IGF1R: variants seen among roughly 807,000 people sequenced by gnomAD.
The protein encoded by IGF1R is insulin like growth factor 1 receptor.
In IGF1R, 44 loss-of-function variants were observed where a neutral mutation model predicts 144.6. The ratio of observed to expected loss-of-function variants is 0.30; its 90% CI spans 0.24 to 0.39. The LOEUF (loss-of-function observed/expected upper bound fraction) is 0.39. Among genes scored for constraint, IGF1R ranks in the 10% least tolerant of loss-of-function variants. The pLI, the probability that IGF1R is intolerant of heterozygous loss-of-function variation, is 1.00. For synonymous variants in IGF1R, 795 were observed against 722.8 expected, an observed-to-expected ratio of 1.10 and a Z score of -1.60; for missense variants, 1,355 against 1,833.7, an observed-to-expected ratio of 0.74 and a Z score of 4.77.
rs186516591 is a variant in IGF1R, at chr15:98,827,614, C to T, written c.641-63711C>T. On this transcript the variant is annotated intron_variant, in intron 2 of 20. Coordinates refer to ENST00000650285, the MANE Select transcript of IGF1R (RefSeq NM_000875.5). ...AGCTGATTAAATGTGGTCATTTAAA[C>T]TGCTAGTTAACAATCGGAAGTGCAG... Among the ~76,000 whole-genome samples, 331 of 152,304 alleles carry T rather than the reference C, an allele frequency of 2.2e-3. 1 individual carries two copies. The highest frequency in any genetic ancestry group is 7.1e-3 in the African/African-American group (296 of 41,578).
chr15:98,913,278 T>C lies in IGF1R; in HGVS notation c.1824T>C (p.Ala608=). 2.5e-6 allele frequency: 4 copies of C among 1,612,538 alleles called. No homozygotes were observed. In the South Asian group the frequency reaches 3.3e-5, roughly 13 times the overall value. The change falls in exon 8 of 21, where the codon GCT becomes GCC. Residue 608 remains alanine, a synonymous_variant. Transcript: ENST00000650285. ...KSEILYIRTN[A]SVPSIPLDVL... is the part of the protein sequence containing the mutation. ...AGATCTTGTACATTCGCACCAATGCTTCAGGTATCCATGCCTAGACAAGCC... is the reference window on the plus strand; with the variant it reads ...AGATCTTGTACATTCGCACCAATGCCTCAGGTATCCATGCCTAGACAAGCC...
chr15:98,910,110 C>T (rs569685006), intron 6 of IGF1R, among the ~76,000 whole-genome samples: 14 of 152,286 alleles, frequency 9.2e-5, no homozygotes, highest in Non-Finnish European at 1.8e-4. Flanking sequence ...ATTTACCTGG[C>T]GACACTTGTT....
chr15:98,808,097 C>T (rs141069475), intron 2 of IGF1R, among the ~76,000 whole-genome samples: 4 of 152,248 alleles, frequency 2.6e-5, no homozygotes, highest in East Asian at 3.9e-4. Flanking sequence ...GGGAAAGGTA[C>T]GTGGGATAGC....
intron 20 of IGF1R, chr15:98,954,438 A>G (rs2016899430): frequency 6.6e-6 from 1 of 152,082 alleles, no homozygotes; most frequent in Non-Finnish European, 1.5e-5. Flanking sequence ...GATGAGTTTT[A>G]TCAGCTCACA....
chr15:98,771,926 T>A (rs1263156431), intron 2 of IGF1R, among the ~76,000 whole-genome samples: 1 of 151,944 alleles, frequency 6.6e-6, no homozygotes, highest in Non-Finnish European at 1.5e-5. Context: ...TTTAAATAGG[T>A]AGGGAGGCAT....
chr15:98,794,650 T>G (rs2056198933), intron 2 of IGF1R, among the ~76,000 whole-genome samples: 1 of 152,258 alleles, frequency 6.6e-6, no homozygotes, highest in Non-Finnish European at 1.5e-5. Context: ...AGCATTTTTA[T>G]GTACAACTAC....
At position 98,661,956 on chromosome 15, in the gene IGF1R, C is replaced by CTTTTT. The variant is rs869208651; in HGVS notation, c.94+12303_94+12307dup. ...GAATTGCTGCCAGTTGAATAGGGCC[C>CTTTTT]TTTTTTTTTTTTTTTTTTTTTTTTT... On this transcript the variant is annotated intron_variant, in intron 1 of 20. Transcript: ENST00000650285. 6.1e-4 allele frequency among the ~76,000 whole-genome samples: 64 copies of CTTTTT among 105,716 alleles called. 5 individuals are homozygous for CTTTTT. Among genetic ancestry groups the CTTTTT allele is most frequent in the African/African-American group, 2.6e-3 (58 of 22,338 alleles). 69.4% of individuals were successfully genotyped at this position (105,716 alleles called of 152,430 possible). A position where few individuals can be genotyped will look rare whatever the true frequency, so the allele number is the denominator to read the frequency against.
At chr15:98,858,900 C>A (rs930798351) in intron 2 of IGF1R, among the ~76,000 whole-genome samples, 1 of 152,160 alleles carries the variant, frequency 6.6e-6, no homozygotes, top group African/African-American at 2.4e-5. Flanking sequence ...CACATAGTGG[C>A]TCACGCTTTT....
intron 2 of IGF1R, among the ~76,000 whole-genome samples, chr15:98,777,988 G>A (rs949881254): frequency 1.3e-5 from 2 of 152,286 alleles, no homozygotes; most frequent in South Asian, 2.1e-4. Flanking sequence ...ATGTGTGTAC[G>A]GGGGTTAGAT....
intron 4 of IGF1R, among the ~76,000 whole-genome samples, chr15:98,898,349 T>C (rs2014307006): frequency 6.6e-6 from 1 of 152,276 alleles, no homozygotes; most frequent in East Asian, 1.9e-4. Flanking sequence ...TACATATTGA[T>C]GCATGATGAT....
At chr15:98,786,930 T>TCCCTCACCC (rs1401824040) in intron 2 of IGF1R, among the ~76,000 whole-genome samples, 1 of 152,192 alleles carries the variant, frequency 6.6e-6, no homozygotes, top group Non-Finnish European at 1.5e-5. Flanking sequence ...ATTCCTTACC[T>TCCCTCACCC]CTCTCACCCA....
intron 2 of IGF1R, among the ~76,000 whole-genome samples, chr15:98,879,521 G>A (rs1367149365): frequency 6.6e-6 from 1 of 152,202 alleles, no homozygotes; most frequent in Non-Finnish European, 1.5e-5. Context: ...GCACACGGGG[G>A]TGAACATTCC....
intron 1 of IGF1R, among the ~76,000 whole-genome samples, chr15:98,650,050 G>A (rs1199015889): frequency 6.6e-6 from 1 of 151,550 alleles, no homozygotes; most frequent in East Asian, 1.9e-4. Flanking sequence ...ATGCGCAAGA[G>A]CCTCTCCGCA....
intron 2 of IGF1R, among the ~76,000 whole-genome samples, chr15:98,868,766 C>T (rs1034549483): frequency 2.6e-5 from 4 of 152,142 alleles, no homozygotes; most frequent in East Asian, 3.9e-4. Flanking sequence ...AATCTGACAG[C>T]GTATGCCAAG....
intron 2 of IGF1R, among the ~76,000 whole-genome samples, chr15:98,730,466 G>A (rs1436494556): frequency 6.6e-6 from 1 of 152,154 alleles, no homozygotes; most frequent in Non-Finnish European, 1.5e-5. Context: ...GCTTAAAAAG[G>A]ATGTTATTAA....
intron 2 of IGF1R, among the ~76,000 whole-genome samples, chr15:98,811,139 A>G (rs184990853): frequency 1.3e-5 from 2 of 152,016 alleles, no homozygotes; most frequent in East Asian, 3.9e-4. Flanking sequence ...CATCTCTACT[A>G]AAAATACAAA....
rs1215292877 is a variant in IGF1R at position 98,957,210 on chromosome 15, A to G, written c.3872A>G (p.Glu1291Gly). The G allele has an allele frequency of 3.7e-6, 6 of 1,614,220 alleles. No homozygotes were observed. Among genetic ancestry groups the G allele is most frequent in the Non-Finnish European group, 5.1e-6 (6 of 1,180,030 alleles). ...YSEENKLPEP[E>G]ELDLEPENME... ...GAGGAGAACAAGCTGCCCGAGCCGG[A>G]GGAGCTGGACCTGGAGCCAGAGAAC... Residue 1291 changes from glutamate to glycine, a missense_variant, in exon 21 of 21, where the codon GAG becomes GGG. Transcript: ENST00000650285.
intron 2 of IGF1R, among the ~76,000 whole-genome samples, chr15:98,710,313 C>G (rs28575071): frequency 0.045 from 6,899 of 152,220 alleles, 543 homozygotes; most frequent in African/African-American, 0.16. Context: ...ATTGACTTCC[C>G]TTCCCCTTGT....
intron 19 of IGF1R, among the ~76,000 whole-genome samples, chr15:98,945,382 T>A (rs2016513336): frequency 6.6e-6 from 1 of 152,202 alleles, no homozygotes; most frequent in Admixed American, 6.5e-5. Flanking sequence ...AGTTACTGAA[T>A]GCTGCCTCCA....
Sources: allele counts gnomAD v4.1 joint callset (sites outside exome capture counted in the v4.1 genomes callset), GRCh38; gene constraint gnomAD v4.1.1; transcripts MANE v1.5; gene names NCBI Gene and HGNC (gene_info 2026-07-23, HGNC 2026-07-21).